THSD7B: variants seen among roughly 807,000 people sequenced by gnomAD.
The protein encoded by THSD7B is thrombospondin type 1 domain containing 7B.
THSD7B carries 138 observed loss-of-function variants against 213.6 expected under a neutral mutation model. The ratio of observed to expected loss-of-function variants is 0.65; its 90% confidence interval spans 0.56 to 0.74. THSD7B has a LOEUF of 0.74. Among genes scored for constraint, THSD7B ranks in the 30% least tolerant of loss-of-function variants. THSD7B has a pLI of 0.00. For missense variants in THSD7B, 1,931 were observed against 1,991.5 expected (o/e 0.97, Z 0.58); for synonymous variants, 742 against 687.0 (o/e 1.08, Z -1.25).
At chr2:137,377,515 T>C (rs1685684285) in intron 12 of THSD7B, among the ~76,000 whole-genome samples, 1 of 152,208 alleles carries the variant, frequency 6.6e-6, no homozygotes, top group Admixed American at 6.5e-5. Flanking sequence ...CTGCATCTAA[T>C]TGACATTGTT....
At chr2:137,536,122 T>A (rs963124921) in intron 15 of THSD7B, among the ~76,000 whole-genome samples, 3 of 149,392 alleles carry the variant, frequency 2.0e-5, no homozygotes, top group African/African-American at 7.3e-5. Flanking sequence ...ATGACACCAG[T>A]GGTTTCCATA....
intron 17 of THSD7B, among the ~76,000 whole-genome samples, chr2:137,615,469 T>A (rs1682366410): frequency 6.6e-6 from 1 of 152,156 alleles, no homozygotes; most frequent in African/African-American, 2.4e-5. Flanking sequence ...ACCAGCTGGA[T>A]GAAATCTGGC....
intron 18 of THSD7B, 134 bp from the exon 19 acceptor site, chr2:137,618,258 C>G (rs944523946): frequency 5.9e-6 from 4 of 682,422 alleles, no homozygotes; most frequent in African/African-American, 3.7e-5. Context: ...ATGATGATTC[C>G]CAAAGCTACC....
At chr2:137,307,344 C>T (rs1047863987) in intron 12 of THSD7B, among the ~76,000 whole-genome samples, 12 of 151,976 alleles carry the variant, frequency 7.9e-5, no homozygotes, top group African/African-American at 2.2e-4. Flanking sequence ...ACTCGCAGCC[C>T]GCCCAGAATG....
intron 4 of THSD7B, among the ~76,000 whole-genome samples, chr2:137,106,589 A>G (rs896781505): frequency 1.3e-5 from 2 of 152,222 alleles, no homozygotes; most frequent in African/African-American, 4.8e-5. Context: ...AAAAGAAACT[A>G]TCATTAGAGT....
chr2:137,083,056 A>G (rs1687776539), intron 3 of THSD7B, among the ~76,000 whole-genome samples: 1 of 152,096 alleles, frequency 6.6e-6, no homozygotes. Context: ...GCTTAACTGC[A>G]TGATGTTAGG....
At position 137,414,241 on chromosome 2, in the gene THSD7B, T is replaced by C. The variant is rs141663647; in HGVS notation, c.2959+2369T>C. Among the ~76,000 whole-genome samples, 23 of 152,300 alleles carry C rather than the reference T, an allele frequency of 1.5e-4. No homozygotes were observed. The East Asian group carries it at 4.3e-3, about 28-fold the overall frequency. On this transcript the variant is annotated intron_variant, in intron 14 of 27. Coordinates refer to ENST00000409968, the MANE Select transcript of THSD7B (RefSeq NM_001316349.2). ...GTAGCCTCATAACTTTTATGGTACTTGTATTAAGCTACTTTCACAGTATGT... is the reference window on the plus strand; with the variant it reads ...GTAGCCTCATAACTTTTATGGTACTCGTATTAAGCTACTTTCACAGTATGT...
At chr2:137,495,808 G>A (rs1679548762) in intron 15 of THSD7B, among the ~76,000 whole-genome samples, 2 of 151,962 alleles carry the variant, frequency 1.3e-5, no homozygotes. Flanking sequence ...ATTTGTAGTG[G>A]GACAAAATAT....
At chr2:137,582,478 A>G (rs901654484) in intron 17 of THSD7B, among the ~76,000 whole-genome samples, 14 of 139,844 alleles carry the variant, frequency 1.0e-4, no homozygotes, top group African/African-American at 3.7e-4. Context: ...TCCTAATACT[A>G]TCTCTCCTCC....
chr2:137,573,255 G>C (rs1681394667), intron 17 of THSD7B, among the ~76,000 whole-genome samples: 1 of 152,032 alleles, frequency 6.6e-6, no homozygotes, highest in South Asian at 2.1e-4. Flanking sequence ...TGAAAGTGGG[G>C]ATTAGGAACA....
intron 1 of THSD7B, among the ~76,000 whole-genome samples, chr2:136,811,777 G>A (rs1682380862): frequency 6.6e-6 from 1 of 152,104 alleles, no homozygotes; most frequent in South Asian, 2.1e-4. Flanking sequence ...TCTGGGTTCT[G>A]CTGAAATGTT....
At chr2:137,267,831 C>G (rs1463019724) in intron 10 of THSD7B, among the ~76,000 whole-genome samples, 1 of 152,208 alleles carries the variant, frequency 6.6e-6, no homozygotes, top group Admixed American at 6.5e-5. Flanking sequence ...TAAATGTAGT[C>G]CAGTGGCAAA....
At chr2:137,500,023 C>T (rs968307082) in intron 15 of THSD7B, among the ~76,000 whole-genome samples, 1 of 152,140 alleles carries the variant, frequency 6.6e-6, no homozygotes, top group Non-Finnish European at 1.5e-5. Flanking sequence ...AGTATGTAAT[C>T]CTTGACAATA....
intron 1 of THSD7B, among the ~76,000 whole-genome samples, chr2:136,847,666 C>T (rs558920907): frequency 6.6e-6 from 1 of 152,224 alleles, no homozygotes; most frequent in Non-Finnish European, 1.5e-5. Flanking sequence ...GACACAGAAT[C>T]CCTTTGCTTG....
intron 2 of THSD7B, among the ~76,000 whole-genome samples, chr2:137,047,874 T>C (rs1039472178): frequency 6.6e-6 from 1 of 152,206 alleles, no homozygotes; most frequent in Non-Finnish European, 1.5e-5. Context: ...CAAGACTATA[T>C]TTTAAGACTA....
chr2:136,901,962 T>G (rs548163515), intron 2 of THSD7B, among the ~76,000 whole-genome samples: 3 of 152,286 alleles, frequency 2.0e-5, no homozygotes, highest in African/African-American at 7.2e-5. Flanking sequence ...AGGCCCAAAA[T>G]CAGATTTGAA....
At chr2:137,246,185 C>T (rs1329995812) in intron 10 of THSD7B, among the ~76,000 whole-genome samples, 2 of 152,102 alleles carry the variant, frequency 1.3e-5, no homozygotes. Flanking sequence ...TGGACCAGAG[C>T]AAGTGGAAAC....
At chr2:137,081,603 G>A (rs1687748834) in intron 3 of THSD7B, among the ~76,000 whole-genome samples, 1 of 152,038 alleles carries the variant, frequency 6.6e-6, no homozygotes. Context: ...GATTCAAGGT[G>A]TATGTTTTAG....
At chr2:136,778,116 A>G (rs917695418) in intron 1 of THSD7B, among the ~76,000 whole-genome samples, 1 of 152,144 alleles carries the variant, frequency 6.6e-6, no homozygotes, top group Non-Finnish European at 1.5e-5. Flanking sequence ...TTCCAAGAAC[A>G]CCTACAACCC....
Sources: gnomAD v4.1 joint callset for allele counts (sites outside exome capture counted in the v4.1 genomes callset) on GRCh38, gnomAD v4.1.1 for gene constraint, MANE v1.5 for transcripts, NCBI Gene and HGNC (gene_info 2026-07-23, HGNC 2026-07-21) for gene names.